Variants in UGGT2 observed in about 807,000 individuals in gnomAD.
The protein encoded by UGGT2 is UDP-glucose glycoprotein glucosyltransferase 2.
In UGGT2, 180 loss-of-function variants were observed where a neutral mutation model predicts 192.1. That is an observed-to-expected ratio of 0.94 (90% CI 0.83 to 1.06). UGGT2 has a LOEUF of 1.06. UGGT2 is among the 50% of genes least tolerant of loss of function. The pLI, the probability that UGGT2 is intolerant of heterozygous loss-of-function variation, is 0.00. For missense variants in UGGT2, 1,849 were observed against 1,795.7 expected (o/e 1.03, Z -0.54); for synonymous variants, 580 against 591.0 (o/e 0.98, Z 0.27).
At chr13:95,906,866 G>A (rs562301500) in intron 20 of UGGT2, among the ~76,000 whole-genome samples, 33 of 152,348 alleles carry the variant, frequency 2.2e-4, no homozygotes, top group African/African-American at 6.3e-4. Flanking sequence ...TGTGACCGAT[G>A]CAGCAGATGG....
intron 12 of UGGT2, among the ~76,000 whole-genome samples, chr13:95,968,864 G>C (rs1011440686): frequency 5.9e-5 from 9 of 152,050 alleles, no homozygotes; most frequent in Non-Finnish European, 8.8e-5. Flanking sequence ...GTGTATGAAA[G>C]GGTTAACTCA....
chr13:95,903,181 C>A (rs2048162649), intron 20 of UGGT2, 121 bp from the exon 21 acceptor site: 1 of 909,840 alleles, frequency 1.1e-6, no homozygotes, highest in Non-Finnish European at 1.6e-6. Context: ...CTATCAAAGC[C>A]CTCCCATGTT....
chr13:95,817,053 G>C (rs374416838), intron 38 of UGGT2, among the ~76,000 whole-genome samples: 1 of 152,080 alleles, frequency 6.6e-6, no homozygotes, highest in East Asian at 1.9e-4. Context: ...GCTTGAACCC[G>C]GGAGGTGGAG....
At chr13:95,950,277 G>A (rs894596194) in intron 12 of UGGT2, among the ~76,000 whole-genome samples, 6 of 152,046 alleles carry the variant, frequency 3.9e-5, no homozygotes, top group Non-Finnish European at 7.4e-5. Context: ...AAAGAGAAAC[G>A]GAGAGGTTGA....
At chr13:95,844,856 T>C (rs1246604328) in intron 36 of UGGT2, among the ~76,000 whole-genome samples, 1 of 152,196 alleles carries the variant, frequency 6.6e-6, no homozygotes, top group East Asian at 1.9e-4. Flanking sequence ...TGGATATCCT[T>C]GCTGTGTTTC....
At chr13:95,807,488 C>T (rs1884361270) in intron 38 of UGGT2, among the ~76,000 whole-genome samples, 1 of 152,118 alleles carries the variant, frequency 6.6e-6, no homozygotes, top group African/African-American at 2.4e-5. Flanking sequence ...TAGAGGGATC[C>T]ATGTCATAAA....
chr13:96,043,531 T>G (rs1362708065), intron 1 of UGGT2, among the ~76,000 whole-genome samples: 1 of 152,054 alleles, frequency 6.6e-6, no homozygotes, highest in Non-Finnish European at 1.5e-5. Flanking sequence ...ATACTAACAT[T>G]GAATGTAAAG....
At position 95,863,725 on chromosome 13, in the gene UGGT2, T is replaced by A; in HGVS notation, c.3559-11A>T. 1 of 1,604,522 alleles carries A rather than the reference T, an allele frequency of 6.2e-7. No homozygotes were observed. Among genetic ancestry groups the A allele is most frequent in the Non-Finnish European group, 8.5e-7 (1 of 1,171,974 alleles). On this transcript the variant is annotated splice_polypyrimidine_tract_variant and intron_variant, in intron 30 of 38. Coordinates refer to ENST00000376747, the MANE Select transcript of UGGT2 (RefSeq NM_020121.4). ...TGTTTCTTTTTTCACCTAGATAGCA[T>A]GGCAAAAAAGATTAGAATTTGGCTG...
chr13:95,963,007 A>G (rs546679045), intron 12 of UGGT2, among the ~76,000 whole-genome samples: 3 of 152,280 alleles, frequency 2.0e-5, no homozygotes, highest in African/African-American at 7.2e-5. Context: ...CTTATTCACT[A>G]TCATGAGAAC....
At chr13:95,863,246 G>C (rs1477062392) in intron 31 of UGGT2, among the ~76,000 whole-genome samples, 1 of 152,100 alleles carries the variant, frequency 6.6e-6, no homozygotes, top group Non-Finnish European at 1.5e-5. Context: ...GTTGCAGCTA[G>C]CTAGGCTACT....
chr13:95,991,771 C>T (rs1198508469), intron 7 of UGGT2, among the ~76,000 whole-genome samples: 2 of 152,118 alleles, frequency 1.3e-5, no homozygotes, highest in African/African-American at 2.4e-5. Context: ...TAATAACTTT[C>T]ACTGCTAAAA....
At chr13:95,869,319 G>A (rs992679166) in intron 29 of UGGT2, among the ~76,000 whole-genome samples, 4 of 151,952 alleles carry the variant, frequency 2.6e-5, no homozygotes, top group African/African-American at 9.7e-5. Flanking sequence ...CCAAGTCTTC[G>A]CTATTGTGAA....
At chr13:96,036,960 C>T (rs2053022745) in intron 1 of UGGT2, among the ~76,000 whole-genome samples, 1 of 152,154 alleles carries the variant, frequency 6.6e-6, no homozygotes, top group African/African-American at 2.4e-5. Context: ...AACAAGCTGG[C>T]ATTTGCAATT....
intron 10 of UGGT2, among the ~76,000 whole-genome samples, chr13:95,976,898 CATCT>C (rs1200355388): frequency 1.3e-5 from 2 of 152,130 alleles, no homozygotes; most frequent in African/African-American, 4.8e-5. Flanking sequence ...CAACACCACA[CATCT>C]ACAACCATCT....
At chr13:95,812,600 T>C (rs1051060387) in intron 38 of UGGT2, among the ~76,000 whole-genome samples, 2 of 152,106 alleles carry the variant, frequency 1.3e-5, no homozygotes, top group African/African-American at 4.8e-5. Context: ...CTATATCTCA[T>C]ATTGAATTGA....
At chr13:95,965,076 A>C (rs1295790662) in intron 12 of UGGT2, among the ~76,000 whole-genome samples, 2 of 150,772 alleles carry the variant, frequency 1.3e-5, no homozygotes, top group Non-Finnish European at 3.0e-5. Context: ...GCGATCATTA[A>C]AAAGTCAGGA....
intron 12 of UGGT2, among the ~76,000 whole-genome samples, chr13:95,962,815 G>A (rs980529247): frequency 6.6e-6 from 1 of 152,066 alleles, no homozygotes; most frequent in African/African-American, 2.4e-5. Flanking sequence ...GCATACCCGA[G>A]ACCGGGTAAT....
At chr13:95,844,452 G>A (rs903660281) in intron 36 of UGGT2, among the ~76,000 whole-genome samples, 6 of 152,122 alleles carry the variant, frequency 3.9e-5, no homozygotes, top group Non-Finnish European at 2.9e-5. Context: ...CCATGAACAA[G>A]GTATATCTCT....
intron 26 of UGGT2, 24 bp from the exon 27 acceptor site, chr13:95,884,704 A>G (rs1197381240): frequency 1.9e-6 from 3 of 1,574,374 alleles, no homozygotes; most frequent in South Asian, 2.4e-5. Flanking sequence ...ATAAAAATAC[A>G]TAATGTGACC....
Sources: allele counts gnomAD v4.1 joint callset (sites outside exome capture counted in the v4.1 genomes callset), GRCh38; gene constraint gnomAD v4.1.1; transcripts MANE v1.5; gene names NCBI Gene and HGNC (gene_info 2026-07-23, HGNC 2026-07-21).